RPS6KC1: variants seen among roughly 807,000 people sequenced by gnomAD.
RPS6KC1 encodes the protein ribosomal protein S6 kinase C1, also known as inactive ribosomal protein S6 kinase delta-1.
A neutral mutation model predicts 103.8 loss-of-function variants in RPS6KC1; 54 were observed. The ratio of observed to expected loss-of-function variants is 0.52; its 90% CI spans 0.42 to 0.65. The LOEUF (loss-of-function observed/expected upper bound fraction) is 0.65. Ranked by LOEUF, RPS6KC1 falls within the 30% of genes least tolerant of loss-of-function variation. The pLI is 0.00. For missense variants in RPS6KC1, 1,151 were observed against 1,253.8 expected, an observed-to-expected ratio of 0.92 and a Z score of 1.24; for synonymous variants, 439 against 438.7, an observed-to-expected ratio of 1.00 and a Z score of -0.01.
chr1:213,650,130 C>T, the RPS6KC1 span, among the ~76,000 whole-genome samples: 7 of 152,152 alleles, frequency 4.6e-5, no homozygotes, highest in African/African-American at 9.7e-5. Flanking sequence ...CATCCAGGCG[C>T]TCCCTATGTT....
At chr1:213,431,568 T>C in the RPS6KC1 span, among the ~76,000 whole-genome samples, 1 of 152,268 alleles carries the variant, frequency 6.6e-6, no homozygotes, top group South Asian at 2.1e-4. Context: ...CCATGAGCAT[T>C]ATGTTTGTAA....
intron 10 of RPS6KC1, among the ~76,000 whole-genome samples, chr1:213,239,265 G>T (rs1055900855): frequency 2.0e-5 from 3 of 152,062 alleles, no homozygotes; most frequent in Non-Finnish European, 2.9e-5. Context: ...TTGAACCGAG[G>T]AGGTGGAGGC....
chr1:213,372,871 A>C, the RPS6KC1 span, among the ~76,000 whole-genome samples: 1 of 152,016 alleles, frequency 6.6e-6, no homozygotes, highest in Non-Finnish European at 1.5e-5. Context: ...ATACAAATAC[A>C]TACATATTTA....
At chr1:213,594,596 C>T in the RPS6KC1 span, among the ~76,000 whole-genome samples, 1 of 152,156 alleles carries the variant, frequency 6.6e-6, no homozygotes, top group African/African-American at 2.4e-5. Flanking sequence ...CCACCTCAAT[C>T]TTCATAATAA....
At chr1:213,745,558 G>A in the RPS6KC1 span, among the ~76,000 whole-genome samples, 1 of 152,240 alleles carries the variant, frequency 6.6e-6, no homozygotes, top group African/African-American at 2.4e-5. Context: ...ATTGATCTCA[G>A]CATTGATTGG....
chr1:213,639,100 T>C, the RPS6KC1 span, among the ~76,000 whole-genome samples: 11 of 152,240 alleles, frequency 7.2e-5, no homozygotes, highest in African/African-American at 2.2e-4. Flanking sequence ...TTTCATTTTG[T>C]TTGAGCTATT....
chr1:213,117,677 T>C (rs893181115), intron 5 of RPS6KC1, among the ~76,000 whole-genome samples: 2 of 151,878 alleles, frequency 1.3e-5, no homozygotes, highest in Admixed American at 1.3e-4. Context: ...ATCTTAGAAT[T>C]GATGAAATAT....
At chr1:213,209,943 G>C (rs1281313941) in intron 8 of RPS6KC1, among the ~76,000 whole-genome samples, 1 of 152,144 alleles carries the variant, frequency 6.6e-6, no homozygotes, top group African/African-American at 2.4e-5. Context: ...AACTGTCATG[G>C]TGGGAGTGTC....
At chr1:213,779,208 T>A in the RPS6KC1 span, among the ~76,000 whole-genome samples, 2,787 of 152,278 alleles carry the variant, frequency 0.018, 52 homozygotes, top group East Asian at 0.076. Context: ...TGAGGTTAAA[T>A]CAGACTCATT....
chr1:213,653,103 A>C, the RPS6KC1 span, among the ~76,000 whole-genome samples: 2 of 152,226 alleles, frequency 1.3e-5, no homozygotes, highest in African/African-American at 4.8e-5. Flanking sequence ...TTTACAATAT[A>C]TCATAGAATA....
chr1:213,271,503 C>A (rs962705379), intron 14 of RPS6KC1, among the ~76,000 whole-genome samples: 1 of 152,108 alleles, frequency 6.6e-6, no homozygotes, highest in African/African-American at 2.4e-5. Context: ...CGGTGGCTCA[C>A]GCCTGTAATC....
intron 1 of RPS6KC1, among the ~76,000 whole-genome samples, chr1:213,068,425 A>G (rs1238295547): frequency 7.6e-6 from 1 of 131,580 alleles, no homozygotes; most frequent in Non-Finnish European, 1.6e-5. Flanking sequence ...TGGAGGTTGC[A>G]GTGAGCCAAG....
At chr1:213,423,475 G>C in the RPS6KC1 span, among the ~76,000 whole-genome samples, 3 of 152,168 alleles carry the variant, frequency 2.0e-5, no homozygotes, top group African/African-American at 7.2e-5. Context: ...TCAGCTCATC[G>C]CCCAGATTTA....
intron 1 of RPS6KC1, among the ~76,000 whole-genome samples, chr1:213,054,681 ATCT>A (rs1284572499): frequency 6.6e-6 from 1 of 152,210 alleles, no homozygotes; most frequent in Non-Finnish European, 1.5e-5. Context: ...GAGCTTTTTC[ATCT>A]TCTTAAATCT....
At chr1:213,062,544 A>T (rs375639712) in intron 1 of RPS6KC1, among the ~76,000 whole-genome samples, 9 of 152,114 alleles carry the variant, frequency 5.9e-5, no homozygotes, top group Admixed American at 2.0e-4. Flanking sequence ...TGATAATCAG[A>T]TAAGAGAGTG....
chr1:213,684,885 T>A, the RPS6KC1 span, among the ~76,000 whole-genome samples: 1 of 152,224 alleles, frequency 6.6e-6, no homozygotes, highest in South Asian at 2.1e-4. Context: ...GCAAAGAGGA[T>A]GCAAGGGAGC....
At chr1:213,754,251 G>A in the RPS6KC1 span, among the ~76,000 whole-genome samples, 2 of 152,272 alleles carry the variant, frequency 1.3e-5, no homozygotes, top group Non-Finnish European at 2.9e-5. Flanking sequence ...TTCTCTCTAC[G>A]TCCTCACAGG....
chr1:213,493,342 G>T, the RPS6KC1 span, among the ~76,000 whole-genome samples: 1 of 152,102 alleles, frequency 6.6e-6, no homozygotes, highest in Non-Finnish European at 1.5e-5. Flanking sequence ...AAAGAATTTT[G>T]GTGTAAAATG....
chr1:213,225,590 C>T (rs1161111545), intron 8 of RPS6KC1, among the ~76,000 whole-genome samples: 2 of 151,972 alleles, frequency 1.3e-5, no homozygotes, highest in African/African-American at 4.8e-5. Context: ...GGTTTCACCA[C>T]GTTGGCCAGG....
Sources: allele counts gnomAD v4.1 joint callset (sites outside exome capture counted in the v4.1 genomes callset), GRCh38; gene constraint gnomAD v4.1.1; transcripts MANE v1.5; gene names NCBI Gene and HGNC (gene_info 2026-07-23, HGNC 2026-07-21).